The following ANKRD36B variants were observed in gnomAD, a reference collection of about 807,000 sequenced individuals.
ANKRD36B encodes the protein ankyrin repeat domain-containing protein 36B.
A neutral mutation model predicts 135.7 loss-of-function variants in ANKRD36B; 37 were observed. The observed-to-expected ratio is 0.27, with a 90% CI of 0.21 to 0.36. The LOEUF (loss-of-function observed/expected upper bound fraction) is 0.36, where lower values mean the gene tolerates loss of function less well. Among genes scored for constraint, ANKRD36B ranks in the 10% least tolerant of loss-of-function variants. The pLI is 1.00. For synonymous variants in ANKRD36B, 179 were observed against 348.1 expected (o/e 0.51, Z 5.41); for missense variants, 549 against 1,037.1 (o/e 0.53, Z 6.46).
In ANKRD36B at chr2:97,585,031, A is replaced by G; in HGVS notation, c.363T>C (p.Thr121=). The part of the protein sequence containing the change: ...DPNITDVFGR[T]ALHYAVYNED... ...CATTATACACAGCGTAGTGCAGAGC[A>G]GTCCTTCCAAAGACATCCGTAATAT... The change falls in exon 3 of 44, where the codon ACT becomes ACC. Residue 121 remains threonine, a synonymous_variant. Transcript: ENST00000359901. 6.2e-7 allele frequency: 1 copy of G among 1,611,524 alleles called. No homozygotes were observed. The highest frequency in any genetic ancestry group is 1.1e-5 in the South Asian group (1 of 90,970).
intron 30 of ANKRD36B, 71 bp downstream of exon 30, chr2:97,539,963 A>G (rs1207662843): frequency 1.4e-6 from 1 of 705,736 alleles, no homozygotes; most frequent in Admixed American, 2.8e-5. Context: ...CCCCCCGCTG[A>G]TTTATTTGGG....
rs553620741 is a variant in ANKRD36B, at chr2:97,533,980, C to T, written c.2192-1596G>A. Among the ~76,000 whole-genome samples the T allele has an allele frequency of 1.3e-3, 114 of 90,920 alleles. 28 individuals are homozygous for T. The highest frequency in any genetic ancestry group is 3.6e-3 in the African/African-American group (107 of 30,070). 59.6% of individuals were successfully genotyped at this position (90,920 alleles called of 152,430 possible). A position where few individuals can be genotyped will look rare whatever the true frequency, so the allele number is the denominator to read the frequency against. ...CTGAGGCAGGAGAATCGCTTTAACCCGGGAGGTAGAGGTTGCAATGAGCCG... is the reference window on the plus strand; with the variant it reads ...CTGAGGCAGGAGAATCGCTTTAACCTGGGAGGTAGAGGTTGCAATGAGCCG... On this transcript the variant is annotated intron_variant, in intron 34 of 43. Coordinates refer to ENST00000359901, the MANE Select transcript of ANKRD36B (RefSeq NM_001393939.1).
At chr2:97,565,183 A>C (rs1479768498) in intron 6 of ANKRD36B, among the ~76,000 whole-genome samples, 2 of 152,130 alleles carry the variant, frequency 1.3e-5, no homozygotes, top group Non-Finnish European at 2.9e-5. Flanking sequence ...GTGTATAGGA[A>C]TGCTTGTGAA....
intron 1 of ANKRD36B, among the ~76,000 whole-genome samples, chr2:97,588,003 C>T (rs2104399567): frequency 6.6e-6 from 1 of 150,918 alleles, no homozygotes; most frequent in South Asian, 2.1e-4. Context: ...TATGTATACA[C>T]ACATATTGTC....
chr2:97,565,514 A>G (rs1577036136), intron 6 of ANKRD36B, among the ~76,000 whole-genome samples: 1 of 152,244 alleles, frequency 6.6e-6, no homozygotes, highest in African/African-American at 2.4e-5. Context: ...AGAAAAGAAC[A>G]AACAATCTCA....
In ANKRD36B at chr2:97,531,963, G is replaced by A. The variant is rs558518987; in HGVS notation, c.2265+348C>T. 2.4e-4 allele frequency among the ~76,000 whole-genome samples: 23 copies of A among 95,506 alleles called. 4 individuals carry two copies. The highest frequency in any genetic ancestry group is 7.2e-4 in the African/African-American group (23 of 32,008). 62.7% of individuals were successfully genotyped at this position (95,506 alleles called of 152,430 possible). A position where few individuals can be genotyped will look rare whatever the true frequency, so the allele number is the denominator to read the frequency against. ...TAATTACTCCTTTAATCTGAATCCA[G>A]TACGGTGGTCATCACTGTTAAATTG... is the stretch of plus-strand genomic sequence containing the variant. On this transcript the variant is annotated intron_variant, in intron 35 of 43. Transcript: ENST00000359901.
At chr2:97,573,688 G>C (rs572428476) in intron 6 of ANKRD36B, among the ~76,000 whole-genome samples, 25 of 152,294 alleles carry the variant, frequency 1.6e-4, no homozygotes, top group Non-Finnish European at 2.9e-4. Flanking sequence ...TACCGAAATG[G>C]AGATATAGAC....
Position 97,589,757 on chromosome 2 carries a change from T to G in ANKRD36B, c.-72A>C, listed in dbSNP as rs565696308. On this transcript the variant is annotated 5_prime_UTR_variant, in exon 1 of 44. Transcript: ENST00000359901. ...TGCAAATTGTAGCCTGCAGCCGTAT[T>G]TCAGCTCGCCTTCGGGGATCGCCGC... 3 of 1,610,678 alleles carry G rather than the reference T, an allele frequency of 1.9e-6. No homozygotes were observed. In the East Asian group the frequency reaches 6.7e-5, roughly 36 times the overall value.
rs766240137 is a variant in ANKRD36B at position 97,560,794 on chromosome 2, C to T, written c.792+38G>A. ...TGTAAAGTAGGTTTCATAGACTATA[C>T]AGTTAATAGTTCAACATATAAATGA... On this transcript the variant is annotated intron_variant, in intron 7 of 43. Transcript: ENST00000359901. 5.7e-6 allele frequency: 9 copies of T among 1,587,532 alleles called. No individual in the cohort carries two copies. The African/African-American group carries it at 1.2e-4, about 21-fold the overall frequency.
chr2:97,539,289 T>C (rs1038532070), intron 30 of ANKRD36B, among the ~76,000 whole-genome samples: 1 of 97,210 alleles, frequency 1.0e-5, no homozygotes, highest in Non-Finnish European at 2.7e-5. Flanking sequence ...AGTTAGCTAA[T>C]TGAAAAGCCA....
At chr2:97,574,270 C>CA (rs1333317194) in intron 6 of ANKRD36B, among the ~76,000 whole-genome samples, 1 of 151,858 alleles carries the variant, frequency 6.6e-6, no homozygotes, top group Non-Finnish European at 1.5e-5. Flanking sequence ...TTTATGCAGC[C>CA]AAAAAACACA....
At chr2:97,572,882 C>T (rs908479421) in intron 6 of ANKRD36B, among the ~76,000 whole-genome samples, 18 of 151,542 alleles carry the variant, frequency 1.2e-4, no homozygotes, top group South Asian at 8.3e-4. Context: ...ATATAAAAGA[C>T]GTCAGCTTCT....
At chr2:97,579,379 C>T (rs1367797657) in intron 4 of ANKRD36B, among the ~76,000 whole-genome samples, 4 of 140,654 alleles carry the variant, frequency 2.8e-5, no homozygotes, top group African/African-American at 1.0e-4. Context: ...TGATACTATA[C>T]ATTATAATGC....
chr2:97,549,346 C>A, intron 20 of ANKRD36B, 73 bp downstream of exon 20: 2 of 1,480,420 alleles, frequency 1.4e-6, no homozygotes, highest in Non-Finnish European at 1.8e-6. Context: ...GAGCCCCCCG[C>A]TGATTTATTT....
chr2:97,584,527 C>T (rs527819723), intron 3 of ANKRD36B, among the ~76,000 whole-genome samples: 2 of 151,964 alleles, frequency 1.3e-5, no homozygotes, highest in Non-Finnish European at 1.5e-5. Flanking sequence ...ACAGCAACAA[C>T]ATGTACATTT....
At position 97,498,126 on chromosome 2, in the gene ANKRD36B, A is replaced by T. The variant is rs2077322138; in HGVS notation, c.*7-5271T>A. ...GCTTAAAGAAAAAACATTTGAAATGATTCCATCGGGGAAAAACAACAACAA... is the reference window on the plus strand; with the variant it reads ...GCTTAAAGAAAAAACATTTGAAATGTTTCCATCGGGGAAAAACAACAACAA... On this transcript the variant is annotated intron_variant, in intron 43 of 43. Transcript: ENST00000359901. Among the ~76,000 whole-genome samples, 3 of 68,570 alleles carry T rather than the reference A, an allele frequency of 4.4e-5. No homozygotes were observed. In the South Asian group the frequency reaches 7.3e-4, roughly 17 times the overall value. The allele number at this position is 68,570 out of a possible 152,430, so 45.0% of individuals were successfully genotyped here. A position where few individuals can be genotyped will look rare whatever the true frequency, so the allele number is the denominator to read the frequency against.
chr2:97,572,281 CA>C (rs34027238), intron 6 of ANKRD36B, among the ~76,000 whole-genome samples: 70,313 of 127,248 alleles, frequency 0.55, 19,209 homozygotes, highest in Non-Finnish European at 0.64. Context: ...GACTCAATCT[CA>C]AAAAAAAAAA....
rs959818516 is a variant in ANKRD36B, at chr2:97,573,295, T to C, written c.763+3084A>G. 1.5e-4 allele frequency among the ~76,000 whole-genome samples: 23 copies of C among 152,354 alleles called. 1 individual carries two copies. The highest frequency in any genetic ancestry group is 5.5e-4 in the African/African-American group (23 of 41,580). ...TCCATGGTGTATATGTGCCACATTT[T>C]CTTAATCCAGTCTATCATTGTTGGA... On this transcript the variant is annotated intron_variant, in intron 6 of 43. Transcript: ENST00000359901.
At chr2:97,569,634 G>A (rs1231868212) in intron 6 of ANKRD36B, among the ~76,000 whole-genome samples, 1 of 150,064 alleles carries the variant, frequency 6.7e-6, no homozygotes, top group Non-Finnish European at 1.5e-5. Context: ...AAAATGGGGG[G>A]AGCTATGAAC....
Sources: allele counts gnomAD v4.1 joint callset (sites outside exome capture counted in the v4.1 genomes callset), GRCh38; gene constraint gnomAD v4.1.1; transcripts MANE v1.5; gene names NCBI Gene and HGNC (gene_info 2026-07-23, HGNC 2026-07-21).